AGBL1: variants seen among roughly 807,000 people sequenced by gnomAD.
AGBL1 encodes cytosolic carboxypeptidase 4.
Under a neutral mutation model 118.9 loss-of-function variants are expected in AGBL1, and 130 were observed. The ratio of observed to expected loss-of-function variants is 1.09; its 90% confidence interval spans 0.95 to 1.26. The LOEUF is 1.26. Ranked by LOEUF, AGBL1 falls within the 50% of genes most tolerant of loss-of-function variation. AGBL1 has a pLI of 0.00. For synonymous variants in AGBL1, 555 were observed against 478.9 expected, an observed-to-expected ratio of 1.16 and a Z score of -2.08; for missense variants, 1,584 against 1,298.1, an observed-to-expected ratio of 1.22 and a Z score of -3.38.
At position 86,584,342 on chromosome 15, in the gene AGBL1, C is replaced by T. The variant is rs115967557; in HGVS notation, c.2994+29805C>T. Among the ~76,000 whole-genome samples, 949 of 151,982 alleles carry T rather than the reference C, an allele frequency of 6.2e-3. 11 individuals are homozygous for T. The highest frequency in any genetic ancestry group is 0.021 in the African/African-American group (886 of 41,472). On this transcript the variant is annotated intron_variant, in intron 21 of 22. Coordinates refer to ENST00000614907, the MANE Select transcript of AGBL1 (RefSeq NM_001386094.1). ...GGTGTTACATTTAAATCTTTTAATC[C>T]GTCTTGAGTTAATTTTTGCATATGA...
At chr15:87,003,268 G>A (rs972375046) in intron 24 of AGBL1, among the ~76,000 whole-genome samples, 1 of 152,074 alleles carries the variant, frequency 6.6e-6, no homozygotes, top group Non-Finnish European at 1.5e-5. Flanking sequence ...CTGTTTATAT[G>A]CTGGATTATG....
chr15:86,176,013 C>A (rs1009336885), intron 5 of AGBL1, among the ~76,000 whole-genome samples: 1 of 152,196 alleles, frequency 6.6e-6, no homozygotes, highest in African/African-American at 2.4e-5. Context: ...TTCTCAGGTG[C>A]AGTCTAAATC....
At chr15:86,936,494 G>A (rs966231772) in intron 23 of AGBL1, among the ~76,000 whole-genome samples, 3 of 152,068 alleles carry the variant, frequency 2.0e-5, no homozygotes, top group South Asian at 4.1e-4. Context: ...TTCAAGATAC[G>A]GGAATGTTAT....
chr15:86,825,808 C>T (rs563949842), intron 22 of AGBL1, among the ~76,000 whole-genome samples: 3 of 149,036 alleles, frequency 2.0e-5, no homozygotes, highest in Non-Finnish European at 3.0e-5. Flanking sequence ...TAAGTGATAG[C>T]ACTAAATATT....
At chr15:86,651,246 G>T (rs1412806046) in intron 21 of AGBL1, among the ~76,000 whole-genome samples, 2 of 152,132 alleles carry the variant, frequency 1.3e-5, no homozygotes, top group African/African-American at 4.8e-5. Flanking sequence ...TGACTCTGAT[G>T]TGGGCCCTGC....
intron 24 of AGBL1, among the ~76,000 whole-genome samples, chr15:87,001,166 A>G (rs1282970389): frequency 6.8e-6 from 1 of 146,534 alleles, no homozygotes; most frequent in Admixed American, 6.9e-5. Flanking sequence ...CAATCATGTC[A>G]TCTGCAAACA....
rs147056120 is a variant in AGBL1, at chr15:86,672,547, C to T, written c.2995-1726C>T. 1.4e-4 allele frequency among the ~76,000 whole-genome samples: 21 copies of T among 152,254 alleles called. No individual in the cohort carries two copies. In the East Asian group the frequency reaches 2.3e-3, roughly 17 times the overall value. On this transcript the variant is annotated intron_variant, in intron 21 of 22. Transcript: ENST00000614907. Reference sequence around the variant, plus strand: ...AGAGTCTTACTCTCATTCCCCTTCTCGCCTCCCCTTTGCCACCTGTGAGGT... The same window carrying T: ...AGAGTCTTACTCTCATTCCCCTTCTTGCCTCCCCTTTGCCACCTGTGAGGT...
chr15:86,339,740 G>A (rs914660056), intron 17 of AGBL1, among the ~76,000 whole-genome samples: 1 of 152,102 alleles, frequency 6.6e-6, no homozygotes, highest in African/African-American at 2.4e-5. Flanking sequence ...AGGCCGAGGT[G>A]GGCGGATCAC....
intron 17 of AGBL1, among the ~76,000 whole-genome samples, chr15:86,342,668 G>T (rs919618026): frequency 3.9e-5 from 6 of 152,096 alleles, no homozygotes; most frequent in African/African-American, 9.7e-5. Flanking sequence ...TCTCCGATCT[G>T]CCCCATACTA....
chr15:86,294,630 G>A (rs1335033377), intron 16 of AGBL1, among the ~76,000 whole-genome samples: 1 of 151,970 alleles, frequency 6.6e-6, no homozygotes. Context: ...ACTATGTGCT[G>A]TAGAAGTTTT....
chr15:86,361,797 T>G (rs367594250), intron 17 of AGBL1, among the ~76,000 whole-genome samples: 1 of 152,192 alleles, frequency 6.6e-6, no homozygotes, highest in East Asian at 1.9e-4. Flanking sequence ...ACATGGAATA[T>G]CTTTTTCTAC....
At chr15:86,158,783 ATAGAGGAATGTG>A in intron 4 of AGBL1, 138 bp from the exon 5 acceptor site, 1 of 493,428 alleles carries the variant, frequency 2.0e-6, no homozygotes. Context: ...GAATGACATT[ATAGAGGAATGTG>A]CAACCAGGGT....
chr15:86,154,785 G>A (rs1033745429), intron 4 of AGBL1, among the ~76,000 whole-genome samples: 1 of 152,112 alleles, frequency 6.6e-6, no homozygotes, highest in Non-Finnish European at 1.5e-5. Context: ...TGCTCCTAGA[G>A]ATGGACTTCA....
intron 18 of AGBL1, among the ~76,000 whole-genome samples, chr15:86,436,472 T>G (rs1025327475): frequency 6.6e-6 from 1 of 152,156 alleles, no homozygotes; most frequent in Non-Finnish European, 1.5e-5. Context: ...GATAGTCTTA[T>G]CCAGGATTAG....
chr15:86,628,080 G>T (rs947241092), intron 21 of AGBL1, among the ~76,000 whole-genome samples: 2 of 152,172 alleles, frequency 1.3e-5, no homozygotes, highest in Admixed American at 6.5e-5. Context: ...AAATAGTTCT[G>T]GGGAGAAGGC....
chr15:86,945,741 T>C (rs989121831), intron 23 of AGBL1, among the ~76,000 whole-genome samples: 1 of 152,184 alleles, frequency 6.6e-6, no homozygotes, highest in African/African-American at 2.4e-5. Flanking sequence ...TAGAATGATA[T>C]GTGTGTGCAT....
Position 86,367,008 on chromosome 15 carries a change from C to G in AGBL1, c.2375-30358C>G, listed in dbSNP as rs182185438. ...GCGGGCCGACTTGGGTCAGCTAAAA[C>G]TTTTCACCAAATCTGAGATAATGTG... On this transcript the variant is annotated intron_variant, in intron 17 of 22. Transcript: ENST00000614907. Among the ~76,000 whole-genome samples, 30 of 152,254 alleles carry G rather than the reference C, an allele frequency of 2.0e-4. No individual in the cohort carries two copies. In the East Asian group the frequency reaches 5.6e-3, roughly 28 times the overall value.
intron 23 of AGBL1, among the ~76,000 whole-genome samples, chr15:86,948,407 A>G (rs2080847535): frequency 6.6e-6 from 1 of 152,248 alleles, no homozygotes; most frequent in South Asian, 2.1e-4. Flanking sequence ...TGGAACAAGA[A>G]TTGGTAAATT....
chr15:86,860,662 T>C (rs78847355), intron 22 of AGBL1, among the ~76,000 whole-genome samples: 1 of 152,066 alleles, frequency 6.6e-6, no homozygotes, highest in East Asian at 1.9e-4. Flanking sequence ...CCCAAGGAGC[T>C]TATTTTTGGT....
Sources: allele counts gnomAD v4.1 joint callset (sites outside exome capture counted in the v4.1 genomes callset), GRCh38; gene constraint gnomAD v4.1.1; transcripts MANE v1.5; gene names NCBI Gene and HGNC (gene_info 2026-07-23, HGNC 2026-07-21).